DOK5: variants seen among roughly 807,000 people sequenced by gnomAD.
DOK5 encodes downstream of tyrosine kinase 5.
A neutral mutation model predicts 43.3 loss-of-function variants in DOK5; 27 were observed. The observed-to-expected ratio is 0.62, with a 90% CI of 0.46 to 0.86. The LOEUF is 0.86. Ranked by LOEUF, DOK5 falls within the 40% of genes least tolerant of loss-of-function variation. The pLI is 0.00. For synonymous variants in DOK5, 146 were observed against 140.1 expected (o/e 1.04, Z -0.30); for missense variants, 373 against 392.9 (o/e 0.95, Z 0.43).
chr20:54,537,623 T>C (rs1984002340), intron 1 of DOK5, among the ~76,000 whole-genome samples: 1 of 151,992 alleles, frequency 6.6e-6, no homozygotes, highest in Admixed American at 6.6e-5. Context: ...AATCATCCAG[T>C]TGGAATAACA....
rs183728358 is a variant in DOK5 at position 54,501,665 on chromosome 20, A to G, written c.66+25653A>G. Among the ~76,000 whole-genome samples the G allele has an allele frequency of 3.3e-5, 5 of 152,218 alleles. No individual in the cohort carries two copies. The East Asian group carries it at 9.7e-4, about 29-fold the overall frequency. On this transcript the variant is annotated intron_variant, in intron 1 of 7. Transcript: ENST00000262593. ...CAATGTGTATATTTCGACCCTTAGC[A>G]TGAAGATACATACAGTGTTTTGTGA...
intron 1 of DOK5, among the ~76,000 whole-genome samples, chr20:54,483,697 C>A (rs993637736): frequency 6.6e-6 from 1 of 151,952 alleles, no homozygotes; most frequent in Non-Finnish European, 1.5e-5. Flanking sequence ...ATGGTGCGAC[C>A]CCCCCGTTCC....
chr20:54,627,229 T>C (rs1978338690), intron 6 of DOK5, among the ~76,000 whole-genome samples: 1 of 152,212 alleles, frequency 6.6e-6, no homozygotes, highest in South Asian at 2.1e-4. Context: ...CCGCAACAAT[T>C]ATCCTTGTAC....
chr20:54,563,617 C>T (rs1004520182), intron 2 of DOK5, among the ~76,000 whole-genome samples: 16 of 150,224 alleles, frequency 1.1e-4, no homozygotes, highest in Admixed American at 9.9e-4. Context: ...CAGTTGTTAA[C>T]GATCTTATTG....
At chr20:54,515,340 A>C (rs922807501) in intron 1 of DOK5, among the ~76,000 whole-genome samples, 2 of 152,166 alleles carry the variant, frequency 1.3e-5, no homozygotes, top group Non-Finnish European at 2.9e-5. Context: ...TAACTGAATT[A>C]TTTCTCTTCT....
At chr20:54,585,113 A>G (rs911138019) in intron 2 of DOK5, among the ~76,000 whole-genome samples, 1 of 152,146 alleles carries the variant, frequency 6.6e-6, no homozygotes, top group African/African-American at 2.4e-5. Context: ...CCATTATCAC[A>G]TTATGAATTA....
rs534061731 is a variant in DOK5 at position 54,509,406 on chromosome 20, T to C, written c.66+33394T>C. ...AGGGGTCTTGCTTTTTTGGCCCAGG[T>C]TGGTCTTGAACACCTTGCCTCAAGC... On this transcript the variant is annotated intron_variant, in intron 1 of 7. Transcript: ENST00000262593. Among the ~76,000 whole-genome samples, 10 of 151,986 alleles carry C rather than the reference T, an allele frequency of 6.6e-5. No individual in the cohort carries two copies. The South Asian group carries it at 1.9e-3, about 28-fold the overall frequency.
chr20:54,518,876 A>G (rs569861069), intron 1 of DOK5, among the ~76,000 whole-genome samples: 1 of 152,350 alleles, frequency 6.6e-6, no homozygotes, highest in African/African-American at 2.4e-5. Context: ...AAACAACTCC[A>G]TCAACAAGTG....
At chr20:54,560,746 A>C (rs1984874682) in intron 2 of DOK5, among the ~76,000 whole-genome samples, 1 of 152,014 alleles carries the variant, frequency 6.6e-6, no homozygotes, top group Non-Finnish European at 1.5e-5. Flanking sequence ...TCAGCCTCCC[A>C]AGTAGCTGGG....
At chr20:54,637,664 A>G (rs1204270031) in intron 6 of DOK5, among the ~76,000 whole-genome samples, 3 of 152,276 alleles carry the variant, frequency 2.0e-5, no homozygotes, top group Non-Finnish European at 4.4e-5. Flanking sequence ...TTGGGCTAAC[A>G]GTGCTTCTAA....
Position 54,645,925 on chromosome 20 carries a change from C to CAAAAAAAAAAAAAAAAAAAAAAAAA in DOK5, c.856+2354_856+2378dup, listed in dbSNP as rs550943378. On this transcript the variant is annotated intron_variant, in intron 7 of 7. Transcript: ENST00000262593. ...AGAGCATGGCACATAGCAGATGCTG[C>CAAAAAAAAAAAAAAAAAAAAAAAAA]AAAAAAAAAAAAAAAAAAAAAAAAA... 1.2e-4 allele frequency among the ~76,000 whole-genome samples: 10 copies of CAAAAAAAAAAAAAAAAAAAAAAAAA among 85,874 alleles called. 1 individual carries two copies. Among genetic ancestry groups the CAAAAAAAAAAAAAAAAAAAAAAAAA allele is most frequent in the African/African-American group, 1.7e-4 (4 of 23,122 alleles). The allele number at this position is 85,874 out of a possible 152,430, so 56.3% of individuals were successfully genotyped here. A position where few individuals can be genotyped will look rare whatever the true frequency, so the allele number is the denominator to read the frequency against.
intron 6 of DOK5, among the ~76,000 whole-genome samples, chr20:54,626,595 C>T (rs1293831357): frequency 1.3e-5 from 2 of 152,048 alleles, no homozygotes; most frequent in African/African-American, 4.8e-5. Flanking sequence ...AATTCCTAAC[C>T]TTGTTAAGAA....
intron 1 of DOK5, among the ~76,000 whole-genome samples, chr20:54,483,980 G>A (rs1165502829): frequency 6.6e-6 from 1 of 152,156 alleles, no homozygotes; most frequent in Non-Finnish European, 1.5e-5. Context: ...GAGGATGCAG[G>A]TGACTTTTCT....
At chr20:54,590,503 T>C (rs1456775561) in intron 4 of DOK5, among the ~76,000 whole-genome samples, 1 of 148,728 alleles carries the variant, frequency 6.7e-6, no homozygotes, top group African/African-American at 2.6e-5. Flanking sequence ...TCTTTCTTAC[T>C]TGGAACTTTC....
At chr20:54,644,574 C>T (rs1329035707) in intron 7 of DOK5, among the ~76,000 whole-genome samples, 3 of 151,864 alleles carry the variant, frequency 2.0e-5, no homozygotes, top group Admixed American at 6.6e-5. Context: ...GGCGTGGTGG[C>T]GGGCGCCTGT....
At chr20:54,487,215 T>G (rs758548653) in intron 1 of DOK5, among the ~76,000 whole-genome samples, 8 of 152,166 alleles carry the variant, frequency 5.3e-5, no homozygotes, top group Non-Finnish European at 8.8e-5. Flanking sequence ...AATCATAAAA[T>G]GAGAAAAAGT....
At chr20:54,486,008 A>G (rs1479826157) in intron 1 of DOK5, among the ~76,000 whole-genome samples, 1 of 152,194 alleles carries the variant, frequency 6.6e-6, no homozygotes, top group Non-Finnish European at 1.5e-5. Context: ...TTCTTCATAT[A>G]TTCTAGATAT....
chr20:54,642,899 A>C (rs995088653), intron 6 of DOK5, among the ~76,000 whole-genome samples: 1 of 152,172 alleles, frequency 6.6e-6, no homozygotes, highest in African/African-American at 2.4e-5. Flanking sequence ...GTGTCTACTC[A>C]CTGTCACGTG....
chr20:54,522,526 T>C (rs6023341), intron 1 of DOK5, among the ~76,000 whole-genome samples: 11,117 of 150,788 alleles, frequency 0.074, 446 homozygotes, highest in Non-Finnish European at 0.1. Flanking sequence ...TTCTTTCTTT[T>C]TTTTTTTTTT....
Sources: gnomAD v4.1 joint callset for allele counts (sites outside exome capture counted in the v4.1 genomes callset) on GRCh38, gnomAD v4.1.1 for gene constraint, MANE v1.5 for transcripts, NCBI Gene and HGNC (gene_info 2026-07-23, HGNC 2026-07-21) for gene names.